FAM168B: variants seen among roughly 807,000 people sequenced by gnomAD.
FAM168B encodes myelin-associated neurite-outgrowth inhibitor.
A neutral mutation model predicts 21.8 loss-of-function variants in FAM168B; 19 were observed. That is an observed-to-expected ratio of 0.87 (90% confidence interval 0.61 to 1.28). FAM168B has a LOEUF of 1.28. Among genes scored for constraint, FAM168B ranks in the 50% most tolerant of loss-of-function variants. FAM168B has a pLI of 0.00. For missense variants in FAM168B, 233 were observed against 263.1 expected (o/e 0.89, Z 0.79); for synonymous variants, 126 against 104.8 (o/e 1.20, Z -1.24).
At chr2:131,054,992 G>A (rs903478893) in intron 5 of FAM168B, among the ~76,000 whole-genome samples, 1 of 152,164 alleles carries the variant, frequency 6.6e-6, no homozygotes, top group African/African-American at 2.4e-5. Flanking sequence ...GTCTTACATG[G>A]TCATAGGGGG....
At chr2:131,070,334 G>A (rs1032159670) in intron 3 of FAM168B, among the ~76,000 whole-genome samples, 4 of 152,050 alleles carry the variant, frequency 2.6e-5, no homozygotes, top group Admixed American at 1.3e-4. Flanking sequence ...AGGCAAATAC[G>A]CACATGAAAA....
chr2:131,069,667 G>C (rs1368666024), intron 3 of FAM168B, among the ~76,000 whole-genome samples: 2 of 151,736 alleles, frequency 1.3e-5, no homozygotes, highest in African/African-American at 4.8e-5. Context: ...CTAATTTTTT[G>C]TATTTTTAGT....
At chr2:131,055,804 A>G (rs901005188) in intron 3 of FAM168B, 109 bp from the exon 4 acceptor site, 3 of 1,361,312 alleles carry the variant, frequency 2.2e-6, no homozygotes, top group Non-Finnish European at 3.0e-6. Context: ...GCAACTCGCC[A>G]GACCTGCTGC....
At position 131,049,882 on chromosome 2, in the gene FAM168B, A is replaced by G. The variant is rs1691542225; in HGVS notation, c.*2583T>C. The G allele has an allele frequency of 1.0e-6, 1 of 985,750 alleles. No homozygotes were observed. The highest frequency in any genetic ancestry group is 1.2e-6 in the Non-Finnish European group (1 of 829,944). 61.1% of individuals were successfully genotyped at this position (985,750 alleles called of 1,614,324 possible). ...TTTCTTAATTGACTTTAATTTTACT[A>G]GAAGCGAATGTTGATAAAATTACAA... On this transcript the variant is annotated 3_prime_UTR_variant, in exon 7 of 7. Coordinates refer to ENST00000389915, the MANE Select transcript of FAM168B (RefSeq NM_001009993.4).
chr2:131,091,980 A>C (rs1269204592), intron 1 of FAM168B, among the ~76,000 whole-genome samples: 3 of 150,730 alleles, frequency 2.0e-5, no homozygotes, highest in South Asian at 2.1e-4. Flanking sequence ...AAAAAAAAAA[A>C]CAAATACAAA....
Position 131,048,407 on chromosome 2 carries a change from G to A in FAM168B, c.*4058C>T, listed in dbSNP as rs1018790923. The stretch of plus-strand genomic sequence containing the variant: ...GAGCACACCACCCTTCTGCAGGCCC[G>A]GGGGGGGGTCCCTACACAGACGCCG... On this transcript the variant is annotated 3_prime_UTR_variant, in exon 7 of 7. Transcript: ENST00000389915. 31 of 1,121,712 alleles carry A rather than the reference G, an allele frequency of 2.8e-5. No individual in the cohort carries two copies. In the Admixed American group the frequency reaches 2.9e-4, roughly 11 times the overall value. The allele number at this position is 1,121,712 out of a possible 1,614,324, so 69.5% of individuals were successfully genotyped here. A position where few individuals can be genotyped will look rare whatever the true frequency, so the allele number is the denominator to read the frequency against.
In FAM168B at chr2:131,055,589, C is replaced by T; in HGVS notation, c.261G>A (p.Val87=). Reference sequence around the variant, plus strand: ...GGCTCTGCTGGGGGTAGGCACTTCGCACAGGGTACACGGCAGTCTGGTAGG... The same window carrying T: ...GGCTCTGCTGGGGGTAGGCACTTCGTACAGGGTACACGGCAGTCTGGTAGG... ...PNPYQTAVYP[V]RSAYPQQSPY... Residue 87 remains valine, a synonymous_variant, in exon 4 of 7, where the codon GTG becomes GTA. Coordinates refer to ENST00000389915, the MANE Select transcript of FAM168B (RefSeq NM_001009993.4). 6.2e-7 allele frequency: 1 copy of T among 1,607,064 alleles called. No individual in the cohort carries two copies. Among genetic ancestry groups the T allele is most frequent in the Non-Finnish European group, 8.5e-7 (1 of 1,176,642 alleles).
intron 3 of FAM168B, among the ~76,000 whole-genome samples, chr2:131,056,852 G>A (rs2105467428): frequency 6.6e-6 from 1 of 152,148 alleles, no homozygotes; most frequent in East Asian, 1.9e-4. Flanking sequence ...ACTGACAGAA[G>A]CTCTAGGAAA....
At chr2:131,083,835 T>C (rs1197382552) in intron 1 of FAM168B, among the ~76,000 whole-genome samples, 3 of 152,122 alleles carry the variant, frequency 2.0e-5, no homozygotes, top group African/African-American at 2.4e-5. Flanking sequence ...TGATTGACTC[T>C]AGATGGGAGT....
intron 3 of FAM168B, among the ~76,000 whole-genome samples, chr2:131,069,770 G>A (rs1290166269): frequency 6.6e-6 from 1 of 151,872 alleles, no homozygotes; most frequent in Admixed American, 6.6e-5. Context: ...TGGGACGACA[G>A]GCGTGAGCCA....
intron 3 of FAM168B, among the ~76,000 whole-genome samples, chr2:131,069,011 G>A (rs1411980843): frequency 6.6e-6 from 1 of 152,208 alleles, no homozygotes; most frequent in Non-Finnish European, 1.5e-5. Flanking sequence ...GCAAGACCCT[G>A]TCTCAAAATA....
At chr2:131,064,565 A>G (rs557494638) in intron 3 of FAM168B, among the ~76,000 whole-genome samples, 152 of 152,348 alleles carry the variant, frequency 1.0e-3, no homozygotes, top group African/African-American at 3.5e-3. Flanking sequence ...TTCTGTATCC[A>G]GACAACCATC....
intron 3 of FAM168B, among the ~76,000 whole-genome samples, chr2:131,065,085 G>A (rs1034025483): frequency 1.3e-5 from 2 of 152,346 alleles, no homozygotes; most frequent in Admixed American, 6.5e-5. Context: ...AACTGTGAAG[G>A]AAGGTCGGGG....
chr2:131,075,779 C>T (rs1211029127), intron 2 of FAM168B, among the ~76,000 whole-genome samples: 6 of 152,138 alleles, frequency 3.9e-5, no homozygotes, highest in Admixed American at 1.3e-4. Flanking sequence ...CGAGCCACCG[C>T]GCCCGGCCCC....
At chr2:131,086,559 T>C (rs867758411) in intron 1 of FAM168B, among the ~76,000 whole-genome samples, 12 of 152,166 alleles carry the variant, frequency 7.9e-5, no homozygotes, top group South Asian at 2.1e-4. Context: ...TCGTTATCAC[T>C]GCAGTCCAGC....
At chr2:131,077,426 C>A (rs1693213519) in intron 2 of FAM168B, among the ~76,000 whole-genome samples, 1 of 152,196 alleles carries the variant, frequency 6.6e-6, no homozygotes, top group African/African-American at 2.4e-5. Flanking sequence ...TGCCCCAGAG[C>A]ACCCGTGGGC....
chr2:131,068,308 G>A (rs552281385), intron 3 of FAM168B, among the ~76,000 whole-genome samples: 2 of 152,256 alleles, frequency 1.3e-5, no homozygotes, highest in South Asian at 4.1e-4. Context: ...ACAAGTGTGT[G>A]CCACCACACT....
At chr2:131,085,452 A>C (rs911469320) in intron 1 of FAM168B, among the ~76,000 whole-genome samples, 4 of 152,220 alleles carry the variant, frequency 2.6e-5, no homozygotes, top group African/African-American at 9.6e-5. Flanking sequence ...AATAGCTGCA[A>C]CTACCTACCG....
intron 3 of FAM168B, among the ~76,000 whole-genome samples, chr2:131,068,055 C>G (rs1004683753): frequency 6.6e-6 from 1 of 152,156 alleles, no homozygotes; most frequent in African/African-American, 2.4e-5. Context: ...AACAAACACC[C>G]AAGACATGAA....
Sources: gnomAD v4.1 joint callset for allele counts (sites outside exome capture counted in the v4.1 genomes callset) on GRCh38, gnomAD v4.1.1 for gene constraint, MANE v1.5 for transcripts, NCBI Gene and HGNC (gene_info 2026-07-23, HGNC 2026-07-21) for gene names.